SLC24A4: variants seen among roughly 807,000 people sequenced by gnomAD.
SLC24A4 encodes solute carrier family 24 member 4, also known as sodium/potassium/calcium exchanger 4.
SLC24A4 carries 53 observed loss-of-function variants against 79.0 expected under a neutral mutation model. The observed-to-expected ratio is 0.67, with a 90% CI of 0.54 to 0.84. SLC24A4 has a LOEUF of 0.84. Among genes scored for constraint, SLC24A4 ranks in the 40% least tolerant of loss-of-function variants. The probability of loss-of-function intolerance (pLI) is 0.00; values close to 1 mark genes in which losing one functional copy is unlikely to be tolerated. For synonymous variants in SLC24A4, 323 were observed against 323.8 expected (o/e 1.00, Z 0.03); for missense variants, 731 against 822.0 (o/e 0.89, Z 1.35).
chr14:92,361,300 A>G (rs1246823473), intron 2 of SLC24A4, among the ~76,000 whole-genome samples: 3 of 143,822 alleles, frequency 2.1e-5, no homozygotes, highest in Admixed American at 7.1e-5. Flanking sequence ...TTTTTTTTGA[A>G]TAATCTTGGA....
At chr14:92,359,497 G>A (rs1168895292) in intron 2 of SLC24A4, among the ~76,000 whole-genome samples, 1 of 152,110 alleles carries the variant, frequency 6.6e-6, no homozygotes, top group East Asian at 1.9e-4. Context: ...TACTCGGGAG[G>A]CTGAGGCAGG....
chr14:92,369,039 C>G (rs1256566638), intron 2 of SLC24A4, among the ~76,000 whole-genome samples: 1 of 152,290 alleles, frequency 6.6e-6, no homozygotes, highest in African/African-American at 2.4e-5. Context: ...CTCTAAAGAC[C>G]CTGCCTCCAG....
rs1892459621 is a variant in SLC24A4, at chr14:92,441,017, C to T, written c.394-1072C>T. Among the ~76,000 whole-genome samples, 3 of 152,034 alleles carry T rather than the reference C, an allele frequency of 2.0e-5. No homozygotes were observed. The South Asian group carries it at 6.2e-4, about 31-fold the overall frequency. ...TCTTCTGTGGAACCGTGCTTTTTGG[C>T]AGGGTTAAGGTGGCCGGCTTCTGCC... On this transcript the variant is annotated intron_variant, in intron 4 of 16. Coordinates refer to ENST00000532405, the MANE Select transcript of SLC24A4 (RefSeq NM_153646.4). The surrounding 1 kb of genome is among the most constrained non-coding windows in gnomAD (Gnocchi z 4.6).
At chr14:92,395,748 T>C (rs144259448) in intron 2 of SLC24A4, among the ~76,000 whole-genome samples, 47 of 152,296 alleles carry the variant, frequency 3.1e-4, no homozygotes, top group African/African-American at 1.0e-3. Flanking sequence ...TTTGCTTGAC[T>C]TGGAGGAAGC....
At chr14:92,424,136 C>T (rs12882226) in intron 2 of SLC24A4, among the ~76,000 whole-genome samples, 2,344 of 152,270 alleles carry the variant, frequency 0.015, 35 homozygotes, top group Non-Finnish European at 0.026. Context: ...TCATTGGATT[C>T]GGGGTCCCCT....
intron 7 of SLC24A4, among the ~76,000 whole-genome samples, 164 bp downstream of exon 7, chr14:92,443,638 C>T (rs1013146063): frequency 6.6e-6 from 1 of 152,214 alleles, no homozygotes; most frequent in Non-Finnish European, 1.5e-5. Flanking sequence ...AGCGCCCCGA[C>T]CCCCAGCACT....
chr14:92,482,958 C>A, intron 13 of SLC24A4, 112 bp downstream of exon 13: 1 of 1,022,578 alleles, frequency 9.8e-7, no homozygotes. Flanking sequence ...AGTCACTGGC[C>A]TCACTGACCA....
intron 2 of SLC24A4, among the ~76,000 whole-genome samples, chr14:92,433,583 C>T (rs75794175): frequency 0.028 from 4,268 of 152,292 alleles, 173 homozygotes; most frequent in African/African-American, 0.09. Context: ...CCAGTACCTC[C>T]GTATCCTTGT....
At chr14:92,383,889 G>A (rs905362149) in intron 2 of SLC24A4, among the ~76,000 whole-genome samples, 20 of 152,324 alleles carry the variant, frequency 1.3e-4, no homozygotes, top group African/African-American at 4.6e-4. Flanking sequence ...AAGATCTTCA[G>A]CGGGTCCCAA....
chr14:92,369,098 C>T (rs888840725), intron 2 of SLC24A4, among the ~76,000 whole-genome samples: 24 of 152,210 alleles, frequency 1.6e-4, no homozygotes, highest in African/African-American at 5.8e-4. Flanking sequence ...GCCGTCAGCC[C>T]TAGGCCCACC....
intron 2 of SLC24A4, among the ~76,000 whole-genome samples, chr14:92,382,368 C>G (rs1002933908): frequency 6.6e-6 from 1 of 152,184 alleles, no homozygotes; most frequent in Non-Finnish European, 1.5e-5. Flanking sequence ...CCTCTGTGAG[C>G]CTCAGTTTTC....
At chr14:92,365,469 G>A (rs1566716741) in intron 2 of SLC24A4, among the ~76,000 whole-genome samples, 2 of 152,204 alleles carry the variant, frequency 1.3e-5, no homozygotes, top group South Asian at 2.1e-4. Context: ...CAATCCCCGG[G>A]GACCGACCTC....
At chr14:92,386,685 G>A (rs763844486) in intron 2 of SLC24A4, among the ~76,000 whole-genome samples, 1 of 152,192 alleles carries the variant, frequency 6.6e-6, no homozygotes, top group Non-Finnish European at 1.5e-5. Context: ...TGTAGTTCAC[G>A]ACTTGAGCCC....
intron 2 of SLC24A4, among the ~76,000 whole-genome samples, chr14:92,380,431 G>GC (rs1384141827): frequency 1.3e-5 from 2 of 152,130 alleles, no homozygotes; most frequent in Non-Finnish European, 2.9e-5. Context: ...GCCAGTTTTT[G>GC]CCCCCTTAGA....
intron 2 of SLC24A4, among the ~76,000 whole-genome samples, chr14:92,387,239 A>AGATCTCGGCTC (rs1566732031): frequency 6.6e-6 from 1 of 150,430 alleles, no homozygotes; most frequent in Non-Finnish European, 1.5e-5. Flanking sequence ...AGCAGTGGCG[A>AGATCTCGGCTC]GATCTCGGCT....
intron 12 of SLC24A4, among the ~76,000 whole-genome samples, chr14:92,464,887 T>C (rs7158509): frequency 6.6e-6 from 1 of 152,176 alleles, no homozygotes; most frequent in Non-Finnish European, 1.5e-5. Flanking sequence ...CTGTGCAGCT[T>C]TTAGAGCATC....
chr14:92,347,574 T>C (rs1238653726), intron 2 of SLC24A4, among the ~76,000 whole-genome samples: 1 of 152,242 alleles, frequency 6.6e-6, no homozygotes, highest in African/African-American at 2.4e-5. Context: ...CCTAACATTG[T>C]TACTTGGCTT....
chr14:92,442,681 T>C (rs1305389760), intron 5 of SLC24A4, 32 bp from the exon 6 acceptor site: 1 of 1,526,002 alleles, frequency 6.6e-7, no homozygotes. Context: ...GACGTGTGGC[T>C]GAGGCCCAGG....
intron 3 of SLC24A4, among the ~76,000 whole-genome samples, chr14:92,438,015 C>T (rs142769237): frequency 9.3e-4 from 142 of 152,250 alleles, no homozygotes; most frequent in African/African-American, 2.4e-3. Context: ...GGTTTTTTCC[C>T]CACATGCCAA....
Sources: allele counts gnomAD v4.1 joint callset (sites outside exome capture counted in the v4.1 genomes callset), GRCh38; gene constraint gnomAD v4.1.1; non-coding constraint Gnocchi (gnomAD v3.1); transcripts MANE v1.5; gene names NCBI Gene and HGNC (gene_info 2026-07-23, HGNC 2026-07-21).